FUT9: variants seen among roughly 807,000 people sequenced by gnomAD.
The protein encoded by FUT9 is 4-galactosyl-N-acetylglucosaminide 3-alpha-L-fucosyltransferase 9.
Under a neutral mutation model 29.7 loss-of-function variants are expected in FUT9, and 15 were observed. The ratio of observed to expected loss-of-function variants is 0.51; its 90% CI spans 0.34 to 0.78. FUT9 has a LOEUF of 0.78. Ranked by LOEUF, FUT9 falls within the 30% of genes least tolerant of loss-of-function variation. The pLI, the probability that FUT9 is intolerant of heterozygous loss-of-function variation, is 0.01. For synonymous variants in FUT9, 169 were observed against 153.7 expected (o/e 1.10, Z -0.74); for missense variants, 319 against 425.4 (o/e 0.75, Z 2.20).
chr6:96,171,192 C>G lies in FUT9; in HGVS notation c.-8-31956C>G, dbSNP rs189249020. Among the ~76,000 whole-genome samples, 4 of 152,306 alleles carry G rather than the reference C, an allele frequency of 2.6e-5. No homozygotes were observed. In the East Asian group the frequency reaches 7.7e-4, roughly 29 times the overall value. On this transcript the variant is annotated intron_variant, in intron 2 of 2. Coordinates refer to ENST00000302103, the MANE Select transcript of FUT9 (RefSeq NM_006581.4). ...AAGCCCATGGCACATTCTGAGGAGGCTTCAGAGCTGTTTTCCTGGAGGATG... is the reference window on the plus strand; with the variant it reads ...AAGCCCATGGCACATTCTGAGGAGGGTTCAGAGCTGTTTTCCTGGAGGATG...
chr6:96,197,550 A>C (rs574427290), intron 2 of FUT9, among the ~76,000 whole-genome samples: 2 of 152,314 alleles, frequency 1.3e-5, no homozygotes, highest in East Asian at 3.9e-4. Flanking sequence ...GTTGATCTAA[A>C]GTTCTGTTCA....
intron 1 of FUT9, among the ~76,000 whole-genome samples, chr6:96,067,394 G>C (rs4510685): frequency 0.56 from 84,332 of 151,654 alleles, 23,553 homozygotes; most frequent in South Asian, 0.64. Context: ...ATTTTATCCT[G>C]TATGAAACAG....
chr6:96,189,633 T>C (rs1179945465), intron 2 of FUT9, among the ~76,000 whole-genome samples: 1 of 152,150 alleles, frequency 6.6e-6, no homozygotes, highest in Non-Finnish European at 1.5e-5. Context: ...GCTCTTCTTG[T>C]TGAATTGATC....
At chr6:96,200,932 G>A (rs1340147750) in intron 2 of FUT9, among the ~76,000 whole-genome samples, 1 of 151,282 alleles carries the variant, frequency 6.6e-6, no homozygotes, top group Admixed American at 6.6e-5. Flanking sequence ...ATTTATTATT[G>A]CTGAATTTTT....
intron 2 of FUT9, among the ~76,000 whole-genome samples, chr6:96,124,106 T>A (rs1772085007): frequency 6.6e-6 from 1 of 152,058 alleles, no homozygotes; most frequent in Admixed American, 6.6e-5. Context: ...AATGTCTGCT[T>A]ATTAAACATT....
intron 1 of FUT9, among the ~76,000 whole-genome samples, chr6:96,102,009 C>T (rs1005666434): frequency 4.6e-5 from 7 of 152,000 alleles, no homozygotes; most frequent in Non-Finnish European, 8.8e-5. Context: ...TATGTATGCA[C>T]GTGTGTGTAA....
intron 1 of FUT9, among the ~76,000 whole-genome samples, chr6:96,111,262 C>G (rs1041143215): frequency 3.9e-5 from 6 of 152,040 alleles, no homozygotes; most frequent in Non-Finnish European, 7.4e-5. Context: ...CCCACCTCTA[C>G]CCCACGGCAG....
chr6:96,031,859 A>T (rs963891868), intron 1 of FUT9, among the ~76,000 whole-genome samples: 5 of 151,524 alleles, frequency 3.3e-5, no homozygotes, highest in Admixed American at 2.0e-4. Flanking sequence ...TTTTAAAACA[A>T]AACTAGTACT....
chr6:96,048,977 T>C (rs1181400124), intron 1 of FUT9, among the ~76,000 whole-genome samples: 1 of 152,226 alleles, frequency 6.6e-6, no homozygotes. Context: ...CTCTCCTTTC[T>C]TCTGGGATAG....
In FUT9 at chr6:96,087,421, C is replaced by T. The variant is rs566218618; in HGVS notation, c.-97-26618C>T. On this transcript the variant is annotated intron_variant, in intron 1 of 2. Coordinates refer to ENST00000302103, the MANE Select transcript of FUT9 (RefSeq NM_006581.4). ...CTCACTCTGTTACCAGGCTGGAGTG[C>T]AGTGGCATGATCTCAGCTCACTGCA... Among the ~76,000 whole-genome samples the T allele has an allele frequency of 7.2e-5, 10 of 138,830 alleles. No individual in the cohort carries two copies. In the South Asian group the frequency reaches 2.3e-3, roughly 32 times the overall value. 91.1% of individuals were successfully genotyped at this position (138,830 alleles called of 152,430 possible).
chr6:96,093,941 A>G (rs946096967), intron 1 of FUT9, among the ~76,000 whole-genome samples: 5 of 152,156 alleles, frequency 3.3e-5, no homozygotes, highest in Non-Finnish European at 7.4e-5. Context: ...ACTGAACCCT[A>G]ATTTGGTGCA....
chr6:96,058,726 A>G (rs1026533054), intron 1 of FUT9, among the ~76,000 whole-genome samples: 2 of 152,190 alleles, frequency 1.3e-5, no homozygotes, highest in South Asian at 2.1e-4. Flanking sequence ...TACTTGGAAA[A>G]GACAAATTAA....
chr6:96,162,571 G>T (rs979776643), intron 2 of FUT9, among the ~76,000 whole-genome samples: 15 of 152,156 alleles, frequency 9.9e-5, no homozygotes, highest in Non-Finnish European at 1.5e-4. Context: ...AAAGCCAGAA[G>T]GAGTGTATCA....
intron 2 of FUT9, among the ~76,000 whole-genome samples, chr6:96,170,787 T>C (rs565133515): frequency 4.3e-4 from 66 of 152,296 alleles, no homozygotes; most frequent in African/African-American, 1.5e-3. Context: ...CCCTGGAGAA[T>C]GGGACATTTG....
At chr6:96,097,540 T>C (rs1293017973) in intron 1 of FUT9, among the ~76,000 whole-genome samples, 2 of 152,156 alleles carry the variant, frequency 1.3e-5, no homozygotes, top group African/African-American at 4.8e-5. Context: ...GATATTATAG[T>C]CTGAGGCATC....
At chr6:96,193,134 T>C (rs1773547009) in intron 2 of FUT9, among the ~76,000 whole-genome samples, 4 of 147,432 alleles carry the variant, frequency 2.7e-5, no homozygotes, top group South Asian at 4.6e-4. Flanking sequence ...ATTCAGGACA[T>C]AGGCATGGGC....
chr6:96,215,224 T>C lies in FUT9; in HGVS notation c.*10989T>C, dbSNP rs1433338090. 6.0e-6 allele frequency: 1 copy of C among 167,030 alleles called. No individual in the cohort carries two copies. Among genetic ancestry groups the C allele is most frequent in the Non-Finnish European group, 1.5e-5 (1 of 68,090 alleles). 10.3% of individuals were successfully genotyped at this position (167,030 alleles called of 1,614,324 possible). On this transcript the variant is annotated 3_prime_UTR_variant, in exon 3 of 3. Transcript: ENST00000302103. Reference sequence around the variant, plus strand: ...TATTCAGCTATTTGGAGAACTCGTGTTTTCCACAAATTAAACTGGAGATGT... The same window carrying C: ...TATTCAGCTATTTGGAGAACTCGTGCTTTCCACAAATTAAACTGGAGATGT...
chr6:96,047,352 T>C (rs1463451873), intron 1 of FUT9, among the ~76,000 whole-genome samples: 1 of 152,164 alleles, frequency 6.6e-6, no homozygotes, highest in African/African-American at 2.4e-5. Context: ...TGCCTCTGCT[T>C]CTAGGTATAC....
intron 2 of FUT9, among the ~76,000 whole-genome samples, chr6:96,181,770 A>G (rs761049846): frequency 1.1e-4 from 16 of 151,938 alleles, no homozygotes; most frequent in Admixed American, 1.3e-4. Flanking sequence ...ATTCCTTTTT[A>G]GGGCTGAGTA....
Sources: gnomAD v4.1 joint callset for allele counts (sites outside exome capture counted in the v4.1 genomes callset) on GRCh38, gnomAD v4.1.1 for gene constraint, MANE v1.5 for transcripts, NCBI Gene and HGNC (gene_info 2026-07-23, HGNC 2026-07-21) for gene names.